Variants in KRT4 observed in about 807,000 individuals in gnomAD.
The protein encoded by KRT4 is keratin 4.
In KRT4, 47 loss-of-function variants were observed where a neutral mutation model predicts 50.6. That is an observed-to-expected ratio of 0.93 (90% CI 0.73 to 1.18). KRT4 has a LOEUF of 1.18. KRT4 is among the 50% of genes most tolerant of loss of function. KRT4 has a pLI of 0.00. For missense variants in KRT4, 651 were observed against 645.7 expected (o/e 1.01, Z -0.09); for synonymous variants, 254 against 251.2 (o/e 1.01, Z -0.10).
intron 3 of KRT4, 125 bp downstream of exon 3, chr12:52,810,631 T>C (rs1592310628): frequency 3.7e-6 from 3 of 812,436 alleles, no homozygotes; most frequent in Admixed American, 1.9e-5. Flanking sequence ...ACTATATAGA[T>C]CTAGATAGTT....
chr12:52,811,832 C>A lies in KRT4; in HGVS notation c.608G>T (p.Gly203Val), dbSNP rs574351461. The change falls in exon 2 of 9, where the codon GGC becomes GTC. Residue 203 changes from glycine (G) to valine (V), a missense_variant. Coordinates refer to ENST00000551956, the MANE Select transcript of KRT4 (RefSeq NM_002272.4). Reference protein sequence around the residue: ...SVLRKQLDTLGNDKGRLQSEL... With the variant: ...SVLRKQLDTLVNDKGRLQSEL... Reference sequence around the variant, plus strand: ...AGACTGCAGGCGCCCTTTGTCATTGCCCAAGGTATCTAGCTGCTTCCTCAG... The same window carrying A: ...AGACTGCAGGCGCCCTTTGTCATTGACCAAGGTATCTAGCTGCTTCCTCAG... The A allele has an allele frequency of 6.8e-6, 11 of 1,614,002 alleles. No homozygotes were observed. In the African/African-American group the frequency reaches 1.3e-4, roughly 20 times the overall value.
At chr12:52,808,542 A>C in intron 5 of KRT4, 123 bp from the exon 6 acceptor site, 1 of 1,525,666 alleles carries the variant, frequency 6.6e-7, no homozygotes, top group Non-Finnish European at 9.1e-7. Context: ...AAGTAGTTTC[A>C]AATCAGACCA....
chr12:52,811,766 G>A lies in KRT4; in HGVS notation c.674C>T (p.Thr225Ile). 2 of 1,612,268 alleles carry A rather than the reference G, an allele frequency of 1.2e-6. No homozygotes were observed. Among genetic ancestry groups the A allele is most frequent in the Non-Finnish European group, 1.7e-6 (2 of 1,179,122 alleles). ...TMQDSVEDFK[T>I]KYEEEINKRT... ...CCCCTCCTTCCTCCCCATGTACTTA[G>A]TCTTGAAGTCCTCCACGCTGTCCTG... is the stretch of plus-strand genomic sequence containing the variant. The change falls in exon 2 of 9, where the codon ACT (threonine) becomes ATT (isoleucine). Residue 225 changes from threonine to isoleucine, a missense_variant. Transcript: ENST00000551956.
In KRT4 at chr12:52,809,390, T is replaced by G; in HGVS notation, c.827A>C (p.Tyr276Ser). Residue 276 changes from tyrosine to serine, a missense_variant, in exon 4 of 9, where the codon TAT becomes TCT. Transcript: ENST00000551956. ...GGAGGATGGAGCCCTCACCGCATCA[T>G]AGAGGACCTTCAGGAAGTTGATCTC... ...NDEINFLKVL[Y>S]DAELSQMQTH... 6.2e-7 allele frequency: 1 copy of G among 1,611,682 alleles called. No individual in the cohort carries two copies. Among genetic ancestry groups the G allele is most frequent in the Non-Finnish European group, 8.5e-7 (1 of 1,177,734 alleles).
intron 4 of KRT4, chr12:52,809,120 A>C (rs1939861933): frequency 3.2e-6 from 2 of 620,760 alleles, no homozygotes; most frequent in South Asian, 3.8e-5. Context: ...TTTCACCAGA[A>C]AAAAAATGCT....
intron 2 of KRT4, 65 bp from the exon 3 acceptor site, chr12:52,810,881 G>T: frequency 7.5e-7 from 1 of 1,341,544 alleles, no homozygotes; most frequent in Non-Finnish European, 1.1e-6. Flanking sequence ...TCAGATCTCT[G>T]CTGCTTGTTT....
chr12:52,806,980 G>C lies in KRT4; in HGVS notation c.*89C>G. Reference sequence around the variant, plus strand: ...GGATACTAGTAAGATGAGCCCCAGAGACAGAGGATGGAGGTGAAGTGAAGG... The same window carrying C: ...GGATACTAGTAAGATGAGCCCCAGACACAGAGGATGGAGGTGAAGTGAAGG... On this transcript the variant is annotated 3_prime_UTR_variant, in exon 9 of 9. Coordinates refer to ENST00000551956, the MANE Select transcript of KRT4 (RefSeq NM_002272.4). The C allele has an allele frequency of 7.9e-7, 1 of 1,270,524 alleles. No homozygotes were observed. Among genetic ancestry groups the C allele is most frequent in the Non-Finnish European group, 1.1e-6 (1 of 873,626 alleles). 78.7% of individuals were successfully genotyped at this position (1,270,524 alleles called of 1,614,324 possible). A position where few individuals can be genotyped will look rare whatever the true frequency, so the allele number is the denominator to read the frequency against.
At chr12:52,807,337 A>G in intron 8 of KRT4, 22 bp downstream of exon 8, 2 of 1,614,206 alleles carry the variant, frequency 1.2e-6, no homozygotes, top group South Asian at 1.1e-5. Context: ...GAACAACTAC[A>G]GCAGGCGTGG....
chr12:52,808,787 G>A lies in KRT4; in HGVS notation c.898C>T (p.Arg300Cys), dbSNP rs201227331. 2.5e-5 allele frequency: 40 copies of A among 1,614,162 alleles called. 1 individual carries two copies. In the East Asian group the frequency reaches 3.3e-4, roughly 13 times the overall value. Residue 300 changes from arginine (R) to cysteine (C), a missense_variant, in exon 5 of 9, where the codon CGC (arginine) becomes TGC (cysteine). Physicochemically the swap from Arg to Cys is radical, Grantham distance 180. Transcript: ENST00000551956. ...ATAATGCTGTCCAGGTCCAGGTTGC[G>A]GTTGTTGTCCATGGAAAGGACCACG... ...TSVVLSMDNN[R>C]NLDLDSIIAE...
At chr12:52,808,554 G>C (rs1007517175) in intron 5 of KRT4, 132 bp downstream of exon 5, 1 of 1,491,544 alleles carries the variant, frequency 6.7e-7, no homozygotes, top group Non-Finnish European at 9.3e-7. Flanking sequence ...ATCAGACCAG[G>C]ACCAACGATG....
Position 52,807,075 on chromosome 12 carries a change from T to C in KRT4, c.1557A>G (p.Arg519=). 6.2e-7 allele frequency: 1 copy of C among 1,614,002 alleles called. No homozygotes were observed. The highest frequency in any genetic ancestry group is 8.5e-7 in the Non-Finnish European group (1 of 1,179,974). ...KIISTTTLNK[R]R ...TGCAGGGACCTCGTCTCCTCTATCGTCTCTTGTTCAGGGTGGTGGTAGAGA... is the reference window on the plus strand; with the variant it reads ...TGCAGGGACCTCGTCTCCTCTATCGCCTCTTGTTCAGGGTGGTGGTAGAGA... Residue 519 remains arginine (R), a synonymous_variant, in exon 9 of 9, where the codon AGA becomes AGG. Transcript: ENST00000551956.
Position 52,811,988 on chromosome 12 carries a change from A to G in KRT4, c.463-11T>C. On this transcript the variant is annotated splice_polypyrimidine_tract_variant and intron_variant, in intron 1 of 8. Coordinates refer to ENST00000551956, the MANE Select transcript of KRT4 (RefSeq NM_002272.4). ...CTCTAAGAACTGCACCTGTGTTGAT[A>G]AAGGCACCAGCCAAGTGATGAGGGC... 1 of 1,607,464 alleles carries G rather than the reference A, an allele frequency of 6.2e-7. No homozygotes were observed. The highest frequency in any genetic ancestry group is 1.1e-5 in the South Asian group (1 of 90,582).
In KRT4 at chr12:52,808,815, CG is replaced by C; in HGVS notation, c.869del (p.Thr290SerfsTer59). The C allele has an allele frequency of 6.2e-7, 1 of 1,614,216 alleles. No homozygotes were observed. ...TGTTGTCCATGGAAAGGACCACGGA[CG>C]TGTCGCTGACATGGGTCTGCATCTG... ...LSQMQTHVSDTSVVLSMDNNR... is the reference protein window; with the variant it reads ...LSQMQTHVSDXSVVLSMDNNR... On this transcript the variant is annotated frameshift_variant, in exon 5 of 9. Transcript: ENST00000551956. LOFTEE classifies it high-confidence loss of function.
chr12:52,810,653 A>T, intron 3 of KRT4, 103 bp downstream of exon 3: 1 of 912,946 alleles, frequency 1.1e-6, no homozygotes, highest in Non-Finnish European at 1.8e-6. Flanking sequence ...CAAGTGAAGC[A>T]GGGATGAGGC....
intron 3 of KRT4, 28 bp downstream of exon 3, chr12:52,810,728 G>T (rs191198104): frequency 3.1e-6 from 5 of 1,603,742 alleles, no homozygotes; most frequent in Admixed American, 3.3e-5. Context: ...CACCCTGAAG[G>T]CACTCCCTAC....
Position 52,809,563 on chromosome 12 carries a change from T to C in KRT4, c.739-85A>G, listed in dbSNP as rs538433229. ...TACTAAGTGACACCGACAGGTGTTC[T>C]CAGCAGCATTTAGGAAAGACTACTC... On this transcript the variant is annotated intron_variant, in intron 3 of 8. Coordinates refer to ENST00000551956, the MANE Select transcript of KRT4 (RefSeq NM_002272.4). 66 of 945,766 alleles carry C rather than the reference T, an allele frequency of 7.0e-5. 2 individuals are homozygous for C. In the South Asian group the frequency reaches 8.4e-4, roughly 12 times the overall value. 58.6% of individuals were successfully genotyped at this position (945,766 alleles called of 1,614,324 possible).
At chr12:52,810,926 G>A (rs1030879007) in intron 2 of KRT4, 110 bp from the exon 3 acceptor site, 12 of 832,446 alleles carry the variant, frequency 1.4e-5, no homozygotes, top group African/African-American at 6.7e-5. Flanking sequence ...AAATATCCAC[G>A]TAATTAGTTG....
rs755363361 is a variant in KRT4 at position 52,807,654 on chromosome 12, C to T, written c.1336G>A (p.Glu446Lys). 2.5e-6 allele frequency: 4 copies of T among 1,613,740 alleles called. No homozygotes were observed. The highest frequency in any genetic ancestry group is 2.5e-6 in the Non-Finnish European group (3 of 1,180,046). The change falls in exon 7 of 9, where the codon GAG (glutamate) becomes AAG (lysine). Residue 446 changes from glutamate to lysine, a missense_variant. By Grantham distance (56) the Glu-to-Lys change is moderately conservative (BLOSUM62 1). Coordinates refer to ENST00000551956, the MANE Select transcript of KRT4 (RefSeq NM_002272.4). ...TGCCTAACCCCTCACCTGTACTCCTCGCCCTCCAGCAGTTTGCGGTAGGTG... is the reference window on the plus strand; with the variant it reads ...TGCCTAACCCCTCACCTGTACTCCTTGCCCTCCAGCAGTTTGCGGTAGGTG... ...IATYRKLLEG[E>K]EYRMSGECQS... is the part of the protein sequence containing the mutation.
chr12:52,813,697 G>A lies in KRT4; in HGVS notation c.362C>T (p.Pro121Leu), dbSNP rs757780016. ...EVTINQSLLTPLHVEIDPEIQ... is the reference protein window; with the variant it reads ...EVTINQSLLTLLHVEIDPEIQ... ...CTCAGGGTCAATCTCCACGTGGAGG[G>A]GGGTGAGCAAGCTCTGGTTGATGGT... is the stretch of plus-strand genomic sequence containing the variant. The change falls in exon 1 of 9, where the codon CCC becomes CTC. Residue 121 changes from proline (P) to leucine (L), a missense_variant. Coordinates refer to ENST00000551956, the MANE Select transcript of KRT4 (RefSeq NM_002272.4). 5 of 1,431,488 alleles carry A rather than the reference G, an allele frequency of 3.5e-6. No homozygotes were observed. In the African/African-American group the frequency reaches 5.9e-5, roughly 17 times the overall value. 88.7% of individuals were successfully genotyped at this position (1,431,488 alleles called of 1,614,324 possible). A position where few individuals can be genotyped will look rare whatever the true frequency, so the allele number is the denominator to read the frequency against.
Sources: gnomAD v4.1 joint callset for allele counts on GRCh38, gnomAD v4.1.1 for gene constraint, MANE v1.5 for transcripts, NCBI Gene and HGNC (gene_info 2026-07-23, HGNC 2026-07-21) for gene names.